Variants in NLGN1 observed in about 807,000 individuals in gnomAD.
The protein encoded by NLGN1 is neuroligin-1.
A neutral mutation model predicts 65.5 loss-of-function variants in NLGN1; 12 were observed. The observed-to-expected ratio is 0.18, with a 90% CI of 0.12 to 0.30. NLGN1 has a LOEUF of 0.30. Among genes scored for constraint, NLGN1 ranks in the 10% least tolerant of loss-of-function variants. The probability of loss-of-function intolerance (pLI) is 1.00; values close to 1 mark genes in which losing one functional copy is unlikely to be tolerated. For synonymous variants in NLGN1, 350 were observed against 359.5 expected, an observed-to-expected ratio of 0.97 and a Z score of 0.30; for missense variants, 750 against 1,007.1, an observed-to-expected ratio of 0.74 and a Z score of 3.46.
intron 4 of NLGN1, among the ~76,000 whole-genome samples, chr3:174,134,471 T>A (rs906499356): frequency 2.0e-5 from 3 of 152,150 alleles, no homozygotes; most frequent in Non-Finnish European, 4.4e-5. Context: ...ATTTAACACA[T>A]TACGGATGAA....
intron 2 of NLGN1, among the ~76,000 whole-genome samples, chr3:173,464,363 T>G (rs1177143170): frequency 2.0e-5 from 3 of 152,186 alleles, no homozygotes; most frequent in African/African-American, 7.2e-5. Context: ...TCTCTGCTAT[T>G]TCTTAATATT....
the NLGN1 span, among the ~76,000 whole-genome samples, chr3:174,292,297 C>G: frequency 6.6e-6 from 1 of 151,192 alleles, no homozygotes; most frequent in African/African-American, 2.4e-5. Context: ...AAATTCACCA[C>G]GCACACAAAC....
chr3:174,277,553 A>C (rs1750817277), intron 5 of NLGN1, among the ~76,000 whole-genome samples: 1 of 151,904 alleles, frequency 6.6e-6, no homozygotes, highest in South Asian at 2.1e-4. Flanking sequence ...TATTTTCCTG[A>C]GCAAATGTTG....
chr3:174,248,370 C>G (rs915867295), intron 4 of NLGN1, among the ~76,000 whole-genome samples: 5 of 152,166 alleles, frequency 3.3e-5, no homozygotes, highest in African/African-American at 1.2e-4. Flanking sequence ...GAATATCCAC[C>G]ATTAATATGC....
chr3:174,028,391 C>T (rs1729271348), intron 4 of NLGN1, among the ~76,000 whole-genome samples: 1 of 152,142 alleles, frequency 6.6e-6, no homozygotes, highest in South Asian at 2.1e-4. Context: ...CTCAGATGGA[C>T]ATGAGGAACT....
intron 3 of NLGN1, among the ~76,000 whole-genome samples, chr3:173,617,945 A>G (rs2149492235): frequency 6.6e-6 from 1 of 152,068 alleles, no homozygotes; most frequent in East Asian, 1.9e-4. Context: ...TTGTTTTACC[A>G]TCTACCTCTG....
intron 2 of NLGN1, among the ~76,000 whole-genome samples, chr3:173,468,661 T>C (rs1180949877): frequency 1.3e-5 from 2 of 152,098 alleles, no homozygotes; most frequent in African/African-American, 2.4e-5. Flanking sequence ...AATTCAACGT[T>C]TTCCCATGTT....
rs141251060 is a variant in NLGN1 at position 173,478,954 on chromosome 3, C to CT, written c.-321+43877dup. Among the ~76,000 whole-genome samples the CT allele has an allele frequency of 5.3e-5, 8 of 151,822 alleles. No homozygotes were observed. In the East Asian group the frequency reaches 1.4e-3, roughly 26 times the overall value. The stretch of plus-strand genomic sequence containing the variant: ...TGGATGTGGAAAATAGTACTTCAAT[C>CT]TGACTATTACATGAGGCATTTCAAT... On this transcript the variant is annotated intron_variant, in intron 2 of 6. Coordinates refer to ENST00000457714, the Ensembl canonical transcript of NLGN1.
At chr3:173,774,785 G>A (rs567467685) in intron 3 of NLGN1, among the ~76,000 whole-genome samples, 13 of 151,718 alleles carry the variant, frequency 8.6e-5, no homozygotes, top group Non-Finnish European at 1.6e-4. Context: ...CAAGATATTT[G>A]GGGAGTGAGA....
chr3:173,539,481 G>T (rs1738077330), intron 2 of NLGN1, among the ~76,000 whole-genome samples: 2 of 143,296 alleles, frequency 1.4e-5, no homozygotes, highest in Admixed American at 1.4e-4. Flanking sequence ...ATACGCATAT[G>T]CATGTATATG....
chr3:174,149,260 G>A (rs1723888312), intron 4 of NLGN1, among the ~76,000 whole-genome samples: 1 of 152,136 alleles, frequency 6.6e-6, no homozygotes, highest in Non-Finnish European at 1.5e-5. Flanking sequence ...TAACTAGCCA[G>A]CACTGTGGAG....
At chr3:173,715,118 CTA>C (rs1377564495) in intron 3 of NLGN1, among the ~76,000 whole-genome samples, 2 of 152,066 alleles carry the variant, frequency 1.3e-5, no homozygotes, top group Non-Finnish European at 2.9e-5. Flanking sequence ...TGGATGGACT[CTA>C]TTGTATTTTG....
chr3:174,118,175 G>A (rs190218715), intron 4 of NLGN1, among the ~76,000 whole-genome samples: 16 of 152,206 alleles, frequency 1.1e-4, no homozygotes, highest in Admixed American at 6.5e-4. Context: ...TTTTTAAGTG[G>A]AATGGGCAGC....
At chr3:174,130,323 G>A (rs1197908772) in intron 4 of NLGN1, among the ~76,000 whole-genome samples, 3 of 152,134 alleles carry the variant, frequency 2.0e-5, no homozygotes, top group East Asian at 1.9e-4. Context: ...GCAGTGAGCC[G>A]AGATCGCGCC....
chr3:173,959,816 A>G (rs1262651855), intron 4 of NLGN1, among the ~76,000 whole-genome samples: 1 of 152,156 alleles, frequency 6.6e-6, no homozygotes, highest in African/African-American at 2.4e-5. Flanking sequence ...GCTCCTACAT[A>G]ATTTATATGT....
At chr3:173,781,338 A>G (rs1781130639) in intron 3 of NLGN1, among the ~76,000 whole-genome samples, 1 of 152,162 alleles carries the variant, frequency 6.6e-6, no homozygotes, top group Non-Finnish European at 1.5e-5. Context: ...AAATAGGATG[A>G]TACTTTTCAG....
At chr3:173,482,350 A>T (rs778041159) in intron 2 of NLGN1, among the ~76,000 whole-genome samples, 2 of 151,848 alleles carry the variant, frequency 1.3e-5, no homozygotes, top group Non-Finnish European at 2.9e-5. Context: ...CTAGTTTACC[A>T]TGTGATATAA....
At chr3:173,737,579 G>A (rs1042308842) in intron 3 of NLGN1, among the ~76,000 whole-genome samples, 5 of 152,080 alleles carry the variant, frequency 3.3e-5, no homozygotes, top group Non-Finnish European at 7.4e-5. Context: ...ATCATAGCAT[G>A]TATCAGTACA....
chr3:174,254,905 T>C (rs1316509393), intron 4 of NLGN1, among the ~76,000 whole-genome samples: 1 of 152,190 alleles, frequency 6.6e-6, no homozygotes, highest in East Asian at 1.9e-4. Context: ...TCCCTTGTTA[T>C]ATATATTTTA....
Sources: allele counts gnomAD v4.1 joint callset (sites outside exome capture counted in the v4.1 genomes callset), GRCh38; gene constraint gnomAD v4.1.1; transcripts MANE v1.5; gene names NCBI Gene and HGNC (gene_info 2026-07-23, HGNC 2026-07-21).